Variants in NUP98 observed in about 807,000 individuals in gnomAD.
NUP98 encodes nucleoporin 98 and 96 precursor.
In NUP98, 26 loss-of-function variants were observed where a neutral mutation model predicts 191.9. The observed-to-expected ratio is 0.14, with a 90% CI of 0.10 to 0.19. NUP98 has a LOEUF of 0.19. Ranked by LOEUF, NUP98 falls within the 10% of genes least tolerant of loss-of-function variation. The pLI is 1.00. For missense variants in NUP98, 1,941 were observed against 2,178.8 expected (o/e 0.89, Z 2.17); for synonymous variants, 808 against 778.4 (o/e 1.04, Z -0.63).
chr11:3,738,107 A>AAAAAAAAAAAAAAAC (rs1554894745), intron 12 of NUP98, among the ~76,000 whole-genome samples: 2 of 147,570 alleles, frequency 1.4e-5, no homozygotes, highest in Non-Finnish European at 1.5e-5. Flanking sequence ...AAAAAAAAAA[A>AAAAAAAAAAAAAAAC]CCAAAGACTT....
chr11:3,783,124 G>A (rs1043853265), intron 1 of NUP98, among the ~76,000 whole-genome samples: 2 of 152,084 alleles, frequency 1.3e-5, no homozygotes, highest in Admixed American at 6.6e-5. Flanking sequence ...GGCACAGTGG[G>A]CTCACACCTC....
At chr11:3,720,988 GT>G (rs2134215503) in intron 16 of NUP98, 163 bp from the exon 17 acceptor site, 1 of 480,168 alleles carries the variant, frequency 2.1e-6, no homozygotes, top group East Asian at 3.4e-5. Context: ...GTGTGTGTGT[GT>G]GTGTGTGTGT....
At chr11:3,784,918 C>T (rs11605255) in intron 1 of NUP98, among the ~76,000 whole-genome samples, 28,046 of 151,988 alleles carry the variant, frequency 0.18, 2,752 homozygotes, top group East Asian at 0.26. Flanking sequence ...GGGCAGATCA[C>T]CTGAGACCAG....
chr11:3,712,955 T>C (rs2079064724), intron 19 of NUP98, among the ~76,000 whole-genome samples: 1 of 152,242 alleles, frequency 6.6e-6, no homozygotes. Context: ...TTACATAATA[T>C]ACATTAAAAT....
intron 20 of NUP98, among the ~76,000 whole-genome samples, chr11:3,708,071 A>G (rs747424954): frequency 6.6e-6 from 1 of 152,240 alleles, no homozygotes; most frequent in Non-Finnish European, 1.5e-5. Context: ...ACTGCACTCC[A>G]GCCTGGGTGA....
intron 4 of NUP98, among the ~76,000 whole-genome samples, chr11:3,778,198 C>CAAAAAAAA (rs71302029): frequency 8.8e-4 from 53 of 60,036 alleles, no homozygotes; most frequent in Admixed American, 1.0e-3. Flanking sequence ...GACTCCATCT[C>CAAAAAAAA]AAAAAAAAAA....
chr11:3,792,178 C>CAAAAAAAAA (rs61471948), intron 1 of NUP98, among the ~76,000 whole-genome samples: 6 of 58,854 alleles, frequency 1.0e-4, no homozygotes, highest in Admixed American at 2.9e-4. Context: ...AACTCCATCT[C>CAAAAAAAAA]AAAAAAAAAA....
chr11:3,730,845 A>G (rs892313960), intron 14 of NUP98, among the ~76,000 whole-genome samples: 3 of 151,996 alleles, frequency 2.0e-5, no homozygotes, highest in Admixed American at 6.5e-5. Context: ...AAAACAAAAC[A>G]AAATCATGCA....
intron 20 of NUP98, 29 bp downstream of exon 20, chr11:3,712,535 A>G: frequency 6.2e-7 from 1 of 1,611,458 alleles, no homozygotes; most frequent in Non-Finnish European, 8.5e-7. Context: ...CACGGATTCC[A>G]TTCAAATTCA....
rs146900414 is a variant in NUP98, at chr11:3,723,375, G to C, written c.1928C>G (p.Thr643Ser). Residue 643 changes from threonine (T) to serine (S), a missense_variant, in exon 16 of 33, where the codon ACT becomes AGT. Physicochemically the swap from Thr to Ser is moderately conservative, Grantham distance 58. Transcript: ENST00000324932. ...AGGAATAGGTTTGGCAATAGGGTTA[G>C]TATAAAAATGTGAAACAAGGGAATC... ...DEDSLVSHFY[T>S]NPIAKPIPQT... The C allele has an allele frequency of 1.2e-4, 199 of 1,614,032 alleles. 1 individual carries two copies. The highest frequency in any genetic ancestry group is 4.9e-4 in the Middle Eastern group (3 of 6,062).
intron 25 of NUP98, among the ~76,000 whole-genome samples, chr11:3,698,041 T>C (rs2078566230): frequency 6.6e-6 from 1 of 152,172 alleles, no homozygotes; most frequent in African/African-American, 2.4e-5. Context: ...GTACTGTTTA[T>C]AGTTTTAAAA....
At chr11:3,739,523 A>G (rs2080199785) in intron 12 of NUP98, among the ~76,000 whole-genome samples, 1 of 152,220 alleles carries the variant, frequency 6.6e-6, no homozygotes, top group East Asian at 1.9e-4. Context: ...CTGAGATTAC[A>G]GGCGTGAGGC....
At chr11:3,739,061 C>G (rs983972857) in intron 12 of NUP98, among the ~76,000 whole-genome samples, 2 of 151,934 alleles carry the variant, frequency 1.3e-5, no homozygotes, top group Admixed American at 6.6e-5. Context: ...ATACAATTAC[C>G]TTTAAATGGG....
intron 11 of NUP98, 21 bp from the exon 12 acceptor site, chr11:3,744,670 A>G (rs1423545112): frequency 6.9e-6 from 11 of 1,587,168 alleles, no homozygotes; most frequent in Non-Finnish European, 8.5e-6. Context: ...AAGAGGAAAG[A>G]AAAAAGCACC....
chr11:3,752,547 A>T (rs2080802436), intron 11 of NUP98, among the ~76,000 whole-genome samples: 1 of 151,598 alleles, frequency 6.6e-6, no homozygotes, highest in African/African-American at 2.4e-5. Flanking sequence ...ATAAATAAAT[A>T]AAAAAGAAGG....
At chr11:3,747,489 T>C (rs2957869) in intron 11 of NUP98, among the ~76,000 whole-genome samples, 30,841 of 152,094 alleles carry the variant, frequency 0.2, 3,398 homozygotes, top group East Asian at 0.26. Flanking sequence ...TTAATATCAC[T>C]ATAAAACAAG....
At chr11:3,759,351 C>T (rs1161695485) in intron 10 of NUP98, among the ~76,000 whole-genome samples, 1 of 152,156 alleles carries the variant, frequency 6.6e-6, no homozygotes, top group Non-Finnish European at 1.5e-5. Flanking sequence ...AATCCCAGCA[C>T]TTTGGGAGGC....
intron 1 of NUP98, among the ~76,000 whole-genome samples, chr11:3,796,694 G>C (rs1334975371): frequency 1.3e-5 from 2 of 152,222 alleles, no homozygotes; most frequent in African/African-American, 4.8e-5. Flanking sequence ...AAACTGTTTA[G>C]ACTGTCAAAA....
At chr11:3,733,470 C>T (rs2079922438) in intron 13 of NUP98, among the ~76,000 whole-genome samples, 1 of 152,108 alleles carries the variant, frequency 6.6e-6, no homozygotes, top group Non-Finnish European at 1.5e-5. Context: ...CACCACCATG[C>T]CTGGCTAATT....
Sources: gnomAD v4.1 joint callset for allele counts (sites outside exome capture counted in the v4.1 genomes callset) on GRCh38, gnomAD v4.1.1 for gene constraint, MANE v1.5 for transcripts, NCBI Gene and HGNC (gene_info 2026-07-23, HGNC 2026-07-21) for gene names.